IMMP2L: variants seen among roughly 807,000 people sequenced by gnomAD.
IMMP2L encodes the protein mitochondrial inner membrane protease subunit 2.
Under a neutral mutation model 19.3 loss-of-function variants are expected in IMMP2L, and 18 were observed. The ratio of observed to expected loss-of-function variants is 0.93; its 90% CI spans 0.64 to 1.38. The LOEUF is 1.38. IMMP2L is among the 40% of genes most tolerant of loss of function. The pLI, the probability that IMMP2L is intolerant of heterozygous loss-of-function variation, is 0.00. For synonymous variants in IMMP2L, 76 were observed against 73.0 expected (o/e 1.04, Z -0.21); for missense variants, 233 against 218.2 (o/e 1.07, Z -0.43).
intron 3 of IMMP2L, among the ~76,000 whole-genome samples, chr7:111,030,614 T>C (rs1790659204): frequency 6.6e-6 from 1 of 152,078 alleles, no homozygotes; most frequent in Non-Finnish European, 1.5e-5. Context: ...CTCCAGAGGT[T>C]CCTTTGTAGT....
chr7:110,880,029 T>G (rs778137054), intron 5 of IMMP2L, among the ~76,000 whole-genome samples: 1 of 152,166 alleles, frequency 6.6e-6, no homozygotes, highest in Non-Finnish European at 1.5e-5. Context: ...AAATAACTTC[T>G]ATTTAATGGG....
chr7:110,992,824 C>G (rs562557006), intron 3 of IMMP2L, among the ~76,000 whole-genome samples: 4 of 152,070 alleles, frequency 2.6e-5, no homozygotes, highest in African/African-American at 9.7e-5. Flanking sequence ...AAATTGCCAG[C>G]TTCATGGCAA....
chr7:111,311,192 T>C lies in IMMP2L; in HGVS notation c.239+176046A>G, dbSNP rs578100204. ...AGAGGATATCTAGTCAAGGTAAGCATTGAAGAACTGGACAATGATCACAAG... is the reference window on the plus strand; with the variant it reads ...AGAGGATATCTAGTCAAGGTAAGCACTGAAGAACTGGACAATGATCACAAG... On this transcript the variant is annotated intron_variant, in intron 3 of 5. Transcript: ENST00000405709. 5.3e-5 allele frequency among the ~76,000 whole-genome samples: 8 copies of C among 152,018 alleles called. No individual in the cohort carries two copies. In the East Asian group the frequency reaches 5.8e-4, roughly 11 times the overall value.
chr7:110,824,522 C>G (rs74789023), intron 5 of IMMP2L, among the ~76,000 whole-genome samples: 2 of 152,038 alleles, frequency 1.3e-5, no homozygotes, highest in African/African-American at 2.4e-5. Flanking sequence ...CACACCACCA[C>G]GCCTGGCTTA....
At chr7:111,211,976 G>A (rs1811369798) in intron 3 of IMMP2L, among the ~76,000 whole-genome samples, 1 of 152,042 alleles carries the variant, frequency 6.6e-6, no homozygotes, top group Non-Finnish European at 1.5e-5. Flanking sequence ...CAGCCTGGGA[G>A]ACAGAGCAAG....
chr7:111,176,243 T>C lies in IMMP2L; in HGVS notation c.240-212678A>G, dbSNP rs570515463. Among the ~76,000 whole-genome samples the C allele has an allele frequency of 1.1e-4, 17 of 152,094 alleles. No homozygotes were observed. The East Asian group carries it at 3.3e-3, about 30-fold the overall frequency. The stretch of plus-strand genomic sequence containing the variant: ...TAAAACTAAAAATAGAACTACCATA[T>C]GATCCAGCACTCCCACACAAGGTAT... On this transcript the variant is annotated intron_variant, in intron 3 of 5. Transcript: ENST00000405709.
chr7:110,923,476 CAT>C (rs1198171327), intron 4 of IMMP2L, among the ~76,000 whole-genome samples: 1 of 152,032 alleles, frequency 6.6e-6, no homozygotes, highest in Non-Finnish European at 1.5e-5. Context: ...AGAGTGAACT[CAT>C]AGAAGCATAA....
chr7:110,826,222 C>A (rs966744551), intron 5 of IMMP2L, among the ~76,000 whole-genome samples: 1 of 152,164 alleles, frequency 6.6e-6, no homozygotes, highest in Admixed American at 6.5e-5. Flanking sequence ...AACAGGAACA[C>A]TTTTACACTG....
At position 111,543,456 on chromosome 7, in the gene IMMP2L, T is replaced by G. The variant is rs151295949; in HGVS notation, c.-3+18395A>C. ...CAAAAATATGTATTGGGCAAAGAAA[T>G]GAGATAAGCCTTCTCTGTAAGCCAG... On this transcript the variant is annotated intron_variant, in intron 1 of 5. Coordinates refer to ENST00000405709, the MANE Select transcript of IMMP2L (RefSeq NM_032549.4). Among the ~76,000 whole-genome samples, 105 of 152,212 alleles carry G rather than the reference T, an allele frequency of 6.9e-4. No individual in the cohort carries two copies. In the East Asian group the frequency reaches 0.019, roughly 28 times the overall value.
intron 3 of IMMP2L, among the ~76,000 whole-genome samples, chr7:111,233,918 T>C (rs1224731343): frequency 6.6e-6 from 1 of 152,044 alleles, no homozygotes; most frequent in Non-Finnish European, 1.5e-5. Context: ...TGTAGCACCA[T>C]CTCGCAAAGT....
At chr7:111,460,022 C>T (rs183073618) in intron 3 of IMMP2L, among the ~76,000 whole-genome samples, 1 of 152,196 alleles carries the variant, frequency 6.6e-6, no homozygotes, top group East Asian at 1.9e-4. Flanking sequence ...TGTATTACTG[C>T]ACCTCTAGAG....
At chr7:111,555,682 A>G (rs961376453) in intron 1 of IMMP2L, among the ~76,000 whole-genome samples, 3 of 152,070 alleles carry the variant, frequency 2.0e-5, no homozygotes, top group Non-Finnish European at 2.9e-5. Flanking sequence ...TTCACTTAGC[A>G]TAATGTCCCC....
intron 5 of IMMP2L, among the ~76,000 whole-genome samples, chr7:110,773,715 T>C (rs1009689073): frequency 2.6e-5 from 4 of 152,102 alleles, no homozygotes; most frequent in Admixed American, 6.6e-5. Context: ...GCCATCCAAA[T>C]TGAGTTCTTA....
At chr7:111,255,862 T>C (rs536797455) in intron 3 of IMMP2L, among the ~76,000 whole-genome samples, 1 of 152,188 alleles carries the variant, frequency 6.6e-6, no homozygotes, top group East Asian at 1.9e-4. Flanking sequence ...TATCTATCTA[T>C]ACAATGCTTC....
intron 3 of IMMP2L, among the ~76,000 whole-genome samples, chr7:110,995,671 C>T (rs921613475): frequency 3.3e-5 from 5 of 152,056 alleles, no homozygotes; most frequent in Non-Finnish European, 7.4e-5. Context: ...TCTGGCAGGA[C>T]CTTACAAACA....
intron 3 of IMMP2L, among the ~76,000 whole-genome samples, chr7:111,440,995 A>C (rs372332575): frequency 1.3e-5 from 2 of 151,868 alleles, no homozygotes; most frequent in Non-Finnish European, 1.5e-5. Context: ...TTTCTTCTGA[A>C]GCTTCCTCAC....
chr7:111,525,757 T>G (rs1209954264), intron 1 of IMMP2L, among the ~76,000 whole-genome samples: 1 of 152,102 alleles, frequency 6.6e-6, no homozygotes, highest in Non-Finnish European at 1.5e-5. Context: ...TCAAAATATT[T>G]AATACTAAAA....
intron 5 of IMMP2L, among the ~76,000 whole-genome samples, chr7:110,798,289 A>T (rs1018325781): frequency 6.6e-6 from 1 of 151,988 alleles, no homozygotes; most frequent in African/African-American, 2.4e-5. Context: ...AAAATAATCA[A>T]CTAAGAGAAG....
At chr7:111,496,786 TGA>T (rs1329636218) in intron 2 of IMMP2L, among the ~76,000 whole-genome samples, 1 of 152,118 alleles carries the variant, frequency 6.6e-6, no homozygotes, top group East Asian at 1.9e-4. Flanking sequence ...AGACTTGGAC[TGA>T]GCCAAGCTAC....
Sources: gnomAD v4.1 joint callset for allele counts (sites outside exome capture counted in the v4.1 genomes callset) on GRCh38, gnomAD v4.1.1 for gene constraint, MANE v1.5 for transcripts, NCBI Gene and HGNC (gene_info 2026-07-23, HGNC 2026-07-21) for gene names.